Variants in ANO3 observed in about 807,000 individuals in gnomAD.
ANO3 encodes anoctamin 3, also known as anoctamin-3.
ANO3 carries 99 observed loss-of-function variants against 144.8 expected under a neutral mutation model. The observed-to-expected ratio is 0.68, with a 90% CI of 0.58 to 0.81. ANO3 has a LOEUF of 0.81. Among genes scored for constraint, ANO3 ranks in the 30% least tolerant of loss-of-function variants. The probability of loss-of-function intolerance (pLI) is 0.00; values close to 1 mark genes in which losing one functional copy is unlikely to be tolerated. For missense variants in ANO3, 905 were observed against 1,202.2 expected (o/e 0.75, Z 3.66); for synonymous variants, 414 against 392.6 (o/e 1.05, Z -0.64).
chr11:26,347,762 A>C (rs1021579194), intron 1 of ANO3, among the ~76,000 whole-genome samples: 1 of 152,252 alleles, frequency 6.6e-6, no homozygotes, highest in African/African-American at 2.4e-5. Flanking sequence ...AAGGCAAAAA[A>C]GTTTGGAATA....
intron 1 of ANO3, among the ~76,000 whole-genome samples, chr11:26,326,209 A>T (rs1403513714): frequency 6.6e-6 from 1 of 152,178 alleles, no homozygotes; most frequent in Non-Finnish European, 1.5e-5. Flanking sequence ...TAGAATGACC[A>T]CATAACTTAC....
At chr11:26,561,667 G>T (rs1048202561) in intron 14 of ANO3, among the ~76,000 whole-genome samples, 4 of 151,894 alleles carry the variant, frequency 2.6e-5, no homozygotes. Context: ...GTATCTTGAT[G>T]GCTAAACCAT....
At chr11:26,295,775 T>A (rs1199388389) in intron 1 of ANO3, among the ~76,000 whole-genome samples, 1 of 152,188 alleles carries the variant, frequency 6.6e-6, no homozygotes, top group Non-Finnish European at 1.5e-5. Context: ...GCAGATGCTA[T>A]CGTTTGGAAA....
intron 1 of ANO3, among the ~76,000 whole-genome samples, chr11:26,296,983 GAGTACCTCT>G (rs1355793718): frequency 6.6e-6 from 1 of 151,974 alleles, no homozygotes; most frequent in Non-Finnish European, 1.5e-5. Context: ...AAATACACTT[GAGTACCTCT>G]AGAGACAGGT....
At chr11:26,517,279 A>C (rs1479989977) in intron 6 of ANO3, among the ~76,000 whole-genome samples, 1 of 152,056 alleles carries the variant, frequency 6.6e-6, no homozygotes, top group Non-Finnish European at 1.5e-5. Flanking sequence ...ATAAGTGCAT[A>C]GCATTTTCTT....
At chr11:26,295,584 T>G (rs1251999644) in intron 1 of ANO3, among the ~76,000 whole-genome samples, 3 of 151,808 alleles carry the variant, frequency 2.0e-5, no homozygotes, top group African/African-American at 7.3e-5. Context: ...TAAATAATAT[T>G]TTGTAATACT....
chr11:26,656,664 G>T (rs533574691), intron 26 of ANO3, among the ~76,000 whole-genome samples, 183 bp downstream of exon 26: 26 of 152,238 alleles, frequency 1.7e-4, no homozygotes, highest in African/African-American at 5.8e-4. Flanking sequence ...AATAATGTAA[G>T]AGTGTACATT....
At position 26,639,187 on chromosome 11, in the gene ANO3, G is replaced by A; in HGVS notation, c.2087G>A (p.Gly696Asp). Residue 696 changes from glycine to aspartate, a missense_variant, in exon 21 of 27, where the codon GGT (glycine) becomes GAT (aspartate). This residue lies in a region of ANO3 where 597 missense variants were observed against 865.1 expected (regional missense o/e 0.69). Coordinates refer to ENST00000256737, the MANE Select transcript of ANO3 (RefSeq NM_031418.4). ...TTGATAGACCTCTGCCTCCAGATGG[G>A]TGTCATCATGTTTTTGAAGCAAATA... ...GCLIDLCLQMGVIMFLKQIWN... is the reference protein window; with the variant it reads ...GCLIDLCLQMDVIMFLKQIWN... 3 of 1,613,538 alleles carry A rather than the reference G, an allele frequency of 1.9e-6. No individual in the cohort carries two copies. The highest frequency in any genetic ancestry group is 1.7e-6 in the Non-Finnish European group (2 of 1,179,626).
At chr11:26,512,303 T>C (rs1264156181) in intron 5 of ANO3, among the ~76,000 whole-genome samples, 2 of 152,190 alleles carry the variant, frequency 1.3e-5, no homozygotes, top group Non-Finnish European at 1.5e-5. Context: ...TCTTGGGAAT[T>C]TGGGGTGGAA....
At chr11:26,268,724 G>T (rs1271753531) in intron 1 of ANO3, among the ~76,000 whole-genome samples, 1 of 152,084 alleles carries the variant, frequency 6.6e-6, no homozygotes, top group Non-Finnish European at 1.5e-5. Flanking sequence ...AGATCAGTGC[G>T]ACCACAGCTG....
At chr11:26,421,686 C>T (rs1001546773) in intron 1 of ANO3, among the ~76,000 whole-genome samples, 1 of 151,874 alleles carries the variant, frequency 6.6e-6, no homozygotes, top group African/African-American at 2.4e-5. Flanking sequence ...GCCCTATTCA[C>T]AATTGCAAAG....
rs1368489418 is a variant in ANO3 at position 26,250,051 on chromosome 11, A to C, written c.155-59594A>C. On this transcript the variant is annotated intron_variant, in intron 1 of 27. Transcript: ENST00000672621. ...ACTGTCCCTGTCGCTTCCAAAGGCC[A>C]CTGGCTAGAACTATTCTCATAGCCC... is the stretch of plus-strand genomic sequence containing the variant. Among the ~76,000 whole-genome samples the C allele has an allele frequency of 2.0e-5, 3 of 152,218 alleles. No individual in the cohort carries two copies. In the East Asian group the frequency reaches 5.8e-4, roughly 29 times the overall value.
intron 1 of ANO3, among the ~76,000 whole-genome samples, chr11:26,422,564 A>T (rs191848304): frequency 6.0e-4 from 91 of 152,134 alleles, no homozygotes; most frequent in Admixed American, 9.2e-4. Context: ...TCTGTTCTGC[A>T]TGTAAGAAAG....
rs528281866 is a variant in ANO3, at chr11:26,487,581, TG to T, written c.433-20520del. Among the ~76,000 whole-genome samples the T allele has an allele frequency of 1.6e-4, 25 of 152,094 alleles. No homozygotes were observed. In the South Asian group the frequency reaches 5.2e-3, roughly 32 times the overall value. On this transcript the variant is annotated intron_variant, in intron 4 of 26. Coordinates refer to ENST00000256737, the MANE Select transcript of ANO3 (RefSeq NM_031418.4). ...GGGCTCATAAGAGGACAGGAAAATGTGGGAAAGCTTGGAACCTCCTAAAGAC... is the reference window on the plus strand; with the variant it reads ...GGGCTCATAAGAGGACAGGAAAATGTGGAAAGCTTGGAACCTCCTAAAGAC...
chr11:26,445,185 C>T (rs1356264573), intron 3 of ANO3, among the ~76,000 whole-genome samples: 1 of 152,170 alleles, frequency 6.6e-6, no homozygotes, highest in Non-Finnish European at 1.5e-5. Context: ...CAAAAAGTTT[C>T]AGATTTTGGA....
At position 26,599,558 on chromosome 11, in the gene ANO3, G is replaced by A; in HGVS notation, c.1680G>A (p.Leu560=). ...GGTGTCCAATATTGTAGATATCCTT[G>A]GTGATCACTGCAGTGTTTGGAGTTG... ...SVSGIFFMIS[L]VITAVFGVVV... is the part of the protein sequence containing the mutation. Residue 560 remains leucine, a synonymous_variant, in exon 17 of 27, where the codon TTG becomes TTA. Transcript: ENST00000256737. 1 of 1,612,704 alleles carries A rather than the reference G, an allele frequency of 6.2e-7. No individual in the cohort carries two copies. The highest frequency in any genetic ancestry group is 8.5e-7 in the Non-Finnish European group (1 of 1,179,200).
chr11:26,434,712 A>AT (rs934290192), intron 1 of ANO3, among the ~76,000 whole-genome samples: 25 of 152,104 alleles, frequency 1.6e-4, no homozygotes, highest in African/African-American at 5.8e-4. Context: ...TGGTTGTTTA[A>AT]TTTTCATGTA....
intron 23 of ANO3, among the ~76,000 whole-genome samples, chr11:26,643,807 C>T (rs1203417040): frequency 1.3e-5 from 2 of 152,250 alleles, no homozygotes; most frequent in East Asian, 1.9e-4. Flanking sequence ...GAGGGAGTGA[C>T]TTCATTCTCT....
intron 1 of ANO3, among the ~76,000 whole-genome samples, chr11:26,416,534 C>G (rs1255902493): frequency 6.6e-6 from 1 of 151,700 alleles, no homozygotes; most frequent in African/African-American, 2.4e-5. Context: ...TCAAACGATT[C>G]CCCTGCATCA....
Sources: gnomAD v4.1 joint callset for allele counts (sites outside exome capture counted in the v4.1 genomes callset) on GRCh38, gnomAD v4.1.1 for gene constraint, gnomAD v4.1.1 regional missense constraint, MANE v1.5 for transcripts, NCBI Gene and HGNC (gene_info 2026-07-23, HGNC 2026-07-21) for gene names.